Variants in IQSEC1 observed in about 807,000 individuals in gnomAD.
IQSEC1 encodes the protein IQ motif and Sec7 domain ArfGEF 1.
IQSEC1 carries 31 observed loss-of-function variants against 91.0 expected under a neutral mutation model. That is an observed-to-expected ratio of 0.34 (90% CI 0.26 to 0.46). The LOEUF (loss-of-function observed/expected upper bound fraction) is 0.46, where lower values mean the gene tolerates loss of function less well. IQSEC1 is among the 20% of genes least tolerant of loss of function. The pLI is 1.00. For missense variants in IQSEC1, 1,388 were observed against 1,575.6 expected (o/e 0.88, Z 2.02); for synonymous variants, 699 against 662.6 (o/e 1.05, Z -0.84).
chr3:12,976,987 T>G (rs945925931), intron 1 of IQSEC1, among the ~76,000 whole-genome samples: 22 of 152,136 alleles, frequency 1.4e-4, no homozygotes, highest in Admixed American at 3.3e-4. Flanking sequence ...TCATCTCTAG[T>G]GTGCTAGGAG....
chr3:13,066,453 A>G (rs60787896), intron 1 of IQSEC1, among the ~76,000 whole-genome samples: 254 of 152,314 alleles, frequency 1.7e-3, no homozygotes, highest in African/African-American at 5.8e-3. Flanking sequence ...GAGGGGGCCC[A>G]TTTGCCTGGG....
At chr3:13,245,143 G>A (rs1401575354) in intron 1 of IQSEC1, among the ~76,000 whole-genome samples, 1 of 152,106 alleles carries the variant, frequency 6.6e-6, no homozygotes, top group Admixed American at 6.5e-5. Context: ...TCGAGTCTGG[G>A]CTCGCTCATG....
intron 2 of IQSEC1, among the ~76,000 whole-genome samples, chr3:13,098,301 G>C (rs1158599921): frequency 6.6e-6 from 1 of 152,214 alleles, no homozygotes; most frequent in African/African-American, 2.4e-5. Context: ...TTACAGTCTA[G>C]CAAGAATCAG....
Position 12,900,932 on chromosome 3 carries a change from C to G in IQSEC1, c.*51G>C, listed in dbSNP as rs368586258. 3 of 1,538,086 alleles carry G rather than the reference C, an allele frequency of 2.0e-6. No homozygotes were observed. The Middle Eastern group carries it at 5.0e-4, about 257-fold the overall frequency. Reference sequence around the variant, plus strand: ...GCGGCTGGCGACCCCCGGGCGTGCCCTGTGTGGTGTGCAGGTGTTTCAGGG... The same window carrying G: ...GCGGCTGGCGACCCCCGGGCGTGCCGTGTGTGGTGTGCAGGTGTTTCAGGG... On this transcript the variant is annotated 3_prime_UTR_variant, in exon 14 of 14. Coordinates refer to ENST00000613206, the MANE Select transcript of IQSEC1 (RefSeq NM_001134382.3).
Position 13,207,444 on chromosome 3 carries a change from C to A in IQSEC1, c.273-43311G>T, listed in dbSNP as rs565805158. Among the ~76,000 whole-genome samples, 11 of 141,888 alleles carry A rather than the reference C, an allele frequency of 7.8e-5. No homozygotes were observed. The East Asian group carries it at 1.6e-3, about 21-fold the overall frequency. 93.1% of individuals were successfully genotyped at this position (141,888 alleles called of 152,430 possible). A position where few individuals can be genotyped will look rare whatever the true frequency, so the allele number is the denominator to read the frequency against. On this transcript the variant is annotated intron_variant, in intron 1 of 15. Transcript: ENST00000648114. This position sits in a 1 kb window ranked among gnomAD's most constrained non-coding sequence, Gnocchi z 4.8. The stretch of plus-strand genomic sequence containing the variant: ...CTTCCCTCTGGCCACCCCCAGACCC[C>A]CTGCTGCCATTCTAACTCTCCCCAT...
chr3:12,981,853 C>T (rs187416757), intron 1 of IQSEC1, among the ~76,000 whole-genome samples: 2 of 152,330 alleles, frequency 1.3e-5, no homozygotes, highest in East Asian at 3.9e-4. Flanking sequence ...GAGACCAGCC[C>T]GCATCCTCTT....
rs1253677542 is a variant in IQSEC1 at position 12,940,112 on chromosome 3, G to A, written c.318+1459C>T. ...TTTCTGTTTAAATGGCTCTGTTGCA[G>A]ACATCTCTTACTATAAACCGTGGTC... is the stretch of plus-strand genomic sequence containing the variant. On this transcript the variant is annotated intron_variant, in intron 2 of 13. Coordinates refer to ENST00000613206, the MANE Select transcript of IQSEC1 (RefSeq NM_001134382.3). The surrounding 1 kb of genome is among the most constrained non-coding windows in gnomAD (Gnocchi z 4.4). Among the ~76,000 whole-genome samples, 1 of 152,224 alleles carries A rather than the reference G, an allele frequency of 6.6e-6. No homozygotes were observed. Among genetic ancestry groups the A allele is most frequent in the African/African-American group, 2.4e-5 (1 of 41,458 alleles).
In IQSEC1 at chr3:12,992,058, C is replaced by T. The variant is rs139761367; in HGVS notation, c.24-50193G>A. On this transcript the variant is annotated intron_variant, in intron 1 of 13. Transcript: ENST00000613206. This position sits in a 1 kb window ranked among gnomAD's most constrained non-coding sequence, Gnocchi z 4.1. ...TGAGCACAGGCCCCCTCCCTTGTCC[C>T]TCCACTGCAGAGACCTCTGAGGGGA... Among the ~76,000 whole-genome samples, 2 of 152,326 alleles carry T rather than the reference C, an allele frequency of 1.3e-5. No individual in the cohort carries two copies. The highest frequency in any genetic ancestry group is 2.9e-5 in the Non-Finnish European group (2 of 68,024).
At chr3:13,165,526 T>TG (rs1358522337) in intron 1 of IQSEC1, among the ~76,000 whole-genome samples, 3 of 22,470 alleles carry the variant, frequency 1.3e-4, no homozygotes, top group South Asian at 2.0e-3. Context: ...GGGTGGGGGG[T>TG]GGGGGGGTGG....
In IQSEC1 at chr3:12,967,291, A is replaced by G; in HGVS notation, c.24-25426T>C. 9.1e-7 allele frequency: 1 copy of G among 1,095,338 alleles called. No individual in the cohort carries two copies. The highest frequency in any genetic ancestry group is 1.6e-5 in the South Asian group (1 of 63,058). The allele number at this position is 1,095,338 out of a possible 1,614,324, so 67.9% of individuals were successfully genotyped here. On this transcript the variant is annotated intron_variant, in intron 1 of 13. Coordinates refer to ENST00000613206, the MANE Select transcript of IQSEC1 (RefSeq NM_001134382.3). This position sits in a 1 kb window ranked among gnomAD's most constrained non-coding sequence, Gnocchi z 5.9. ...CTCGCACGCCGGGCGCCCGGTCCCG[A>G]CGGTCACCCGCACTCCCGCACAGGC...
chr3:12,937,153 G>C (rs950104594), intron 2 of IQSEC1, among the ~76,000 whole-genome samples: 2 of 152,086 alleles, frequency 1.3e-5, no homozygotes, highest in Non-Finnish European at 2.9e-5. Context: ...GGCTGGTCTT[G>C]AACTCCTGAC....
At chr3:13,011,884 A>G (rs1702898531) in intron 1 of IQSEC1, among the ~76,000 whole-genome samples, 1 of 152,210 alleles carries the variant, frequency 6.6e-6, no homozygotes. Context: ...GCCTCTTGAT[A>G]GCAGAACAGA....
At chr3:13,070,883 C>T (rs957511626) in intron 1 of IQSEC1, among the ~76,000 whole-genome samples, 1 of 152,214 alleles carries the variant, frequency 6.6e-6, no homozygotes, top group Admixed American at 6.5e-5. Flanking sequence ...ACCAGAGCCA[C>T]GTGTTCAAAT....
chr3:12,897,400 A>G lies in IQSEC1; in HGVS notation c.*3583T>C, dbSNP rs1304545607. On this transcript the variant is annotated 3_prime_UTR_variant, in exon 14 of 14. Transcript: ENST00000613206. ...GGGAGGTGTCCCTTGAAGTCTCTGA[A>G]CAGTCTGGGGATTCAGGACCTGATT... The G allele has an allele frequency of 6.6e-6, 1 of 152,222 alleles. No homozygotes were observed. Among genetic ancestry groups the G allele is most frequent in the Non-Finnish European group, 1.5e-5 (1 of 68,034 alleles). The allele number at this position is 152,222 out of a possible 1,614,324, so 9.4% of individuals were successfully genotyped here. A position where few individuals can be genotyped will look rare whatever the true frequency, so the allele number is the denominator to read the frequency against.
At chr3:13,015,577 C>G in intron 1 of IQSEC1, 2 of 985,392 alleles carry the variant, frequency 2.0e-6, no homozygotes, top group Non-Finnish European at 2.4e-6. Flanking sequence ...GTGGTACTCA[C>G]AGTCTCAAAG....
Position 12,898,934 on chromosome 3 carries a change from G to C in IQSEC1, c.*2049C>G. 6.3e-6 allele frequency: 1 copy of C among 158,882 alleles called. No homozygotes were observed. Among genetic ancestry groups the C allele is most frequent in the Admixed American group, 6.3e-5 (1 of 15,978 alleles). The allele number at this position is 158,882 out of a possible 1,614,324, so 9.8% of individuals were successfully genotyped here. A position where few individuals can be genotyped will look rare whatever the true frequency, so the allele number is the denominator to read the frequency against. ...ATTGATGAGTCGGAGACACCAGGGC[G>C]CTTCCCTGACAGCCCAGCCTGGACC... On this transcript the variant is annotated 3_prime_UTR_variant, in exon 14 of 14. Coordinates refer to ENST00000613206, the MANE Select transcript of IQSEC1 (RefSeq NM_001134382.3).
chr3:13,232,123 G>A (rs946403019), intron 1 of IQSEC1, among the ~76,000 whole-genome samples: 7 of 152,188 alleles, frequency 4.6e-5, no homozygotes, highest in African/African-American at 1.7e-4. Context: ...TATAAAATAC[G>A]TGCTGGGTGT....
chr3:13,209,479 C>T (rs79049637), intron 1 of IQSEC1, among the ~76,000 whole-genome samples: 7,806 of 152,302 alleles, frequency 0.051, 431 homozygotes, highest in East Asian at 0.28. Flanking sequence ...CTTCCTCGCG[C>T]AGGCTGTGCT....
intron 13 of IQSEC1, 90 bp downstream of exon 13, chr3:12,902,683 A>AC (rs1559598730): frequency 9.1e-6 from 6 of 658,456 alleles, no homozygotes; most frequent in African/African-American, 5.6e-5. Flanking sequence ...AAAAAAAAAA[A>AC]AAAAAAAAAA....
Sources: gnomAD v4.1 joint callset for allele counts (sites outside exome capture counted in the v4.1 genomes callset) on GRCh38, gnomAD v4.1.1 for gene constraint, Gnocchi (gnomAD v3.1) non-coding constraint, MANE v1.5 for transcripts, NCBI Gene and HGNC (gene_info 2026-07-23, HGNC 2026-07-21) for gene names.